Variants in ASCC3 observed in about 807,000 individuals in gnomAD.
ASCC3 encodes activating signal cointegrator 1 complex subunit 3, also known as ASC-1 complex subunit P200.
In ASCC3, 158 loss-of-function variants were observed where a neutral mutation model predicts 256.3. The observed-to-expected ratio is 0.62, with a 90% confidence interval of 0.54 to 0.70. ASCC3 has a LOEUF of 0.70. Ranked by LOEUF, ASCC3 falls within the 30% of genes least tolerant of loss-of-function variation. The pLI, the probability that ASCC3 is intolerant of heterozygous loss-of-function variation, is 0.00. For missense variants in ASCC3, 2,259 were observed against 2,626.0 expected, an observed-to-expected ratio of 0.86 and a Z score of 3.05; for synonymous variants, 948 against 883.4, an observed-to-expected ratio of 1.07 and a Z score of -1.30.
At chr6:100,730,086 C>T (rs1022600138) in intron 10 of ASCC3, among the ~76,000 whole-genome samples, 4 of 151,986 alleles carry the variant, frequency 2.6e-5, no homozygotes, top group African/African-American at 7.2e-5. Flanking sequence ...GGGAAGATGA[C>T]TTGAGGTCAG....
chr6:100,762,681 T>A (rs549219738), intron 10 of ASCC3, among the ~76,000 whole-genome samples: 21 of 152,256 alleles, frequency 1.4e-4, no homozygotes, highest in Non-Finnish European at 1.5e-4. Context: ...CAAACCTCAA[T>A]AAAATCATAA....
chr6:100,628,737 T>C (rs1046270665), intron 27 of ASCC3, among the ~76,000 whole-genome samples: 2 of 152,088 alleles, frequency 1.3e-5, no homozygotes, highest in Non-Finnish European at 2.9e-5. Flanking sequence ...AAACCTCTTT[T>C]TAAAAATAAA....
At chr6:100,516,147 G>T in intron 39 of ASCC3, 33 bp downstream of exon 39, 1 of 1,613,074 alleles carries the variant, frequency 6.2e-7, no homozygotes, top group Non-Finnish European at 8.5e-7. Context: ...TCAGAGTAGG[G>T]GAGCCTTCAA....
intron 10 of ASCC3, among the ~76,000 whole-genome samples, chr6:100,752,059 C>T (rs1007046512): frequency 6.6e-6 from 1 of 152,048 alleles, no homozygotes; most frequent in Non-Finnish European, 1.5e-5. Flanking sequence ...AATGTTTCTG[C>T]CTCTTACCCT....
At chr6:100,674,292 T>G (rs1385348001) in intron 14 of ASCC3, among the ~76,000 whole-genome samples, 1 of 151,986 alleles carries the variant, frequency 6.6e-6, no homozygotes, top group Non-Finnish European at 1.5e-5. Context: ...AAATTTTTTT[T>G]CATCCAAAGT....
chr6:100,525,231 G>A (rs538233567), intron 37 of ASCC3, among the ~76,000 whole-genome samples: 5 of 149,782 alleles, frequency 3.3e-5, no homozygotes, highest in African/African-American at 1.2e-4. Flanking sequence ...TCATGACAAA[G>A]GTTGAAGTGA....
intron 34 of ASCC3, among the ~76,000 whole-genome samples, chr6:100,592,140 C>CA (rs1201793563): frequency 0.046 from 5,294 of 115,818 alleles, 205 homozygotes; most frequent in African/African-American, 0.12. Context: ...AGTAAGTCAC[C>CA]AAAAAAAAAA....
chr6:100,613,172 G>C (rs1177736629), intron 30 of ASCC3, among the ~76,000 whole-genome samples: 1 of 151,418 alleles, frequency 6.6e-6, no homozygotes, highest in Non-Finnish European at 1.5e-5. Context: ...TAGTGGGCAA[G>C]TCAGGGCTTT....
intron 1 of ASCC3, among the ~76,000 whole-genome samples, chr6:100,874,711 T>C (rs1337887781): frequency 6.6e-6 from 1 of 151,664 alleles, no homozygotes; most frequent in Non-Finnish European, 1.5e-5. Flanking sequence ...GAGCTTACAG[T>C]ATGGTTGGGA....
intron 30 of ASCC3, among the ~76,000 whole-genome samples, chr6:100,613,312 T>C (rs986543736): frequency 2.0e-5 from 3 of 152,066 alleles, no homozygotes; most frequent in African/African-American, 7.2e-5. Flanking sequence ...TTTGTATAAA[T>C]TAAATTTTTT....
chr6:100,528,100 CT>C (rs1774677841), intron 37 of ASCC3, among the ~76,000 whole-genome samples: 1 of 152,054 alleles, frequency 6.6e-6, no homozygotes, highest in South Asian at 2.1e-4. Flanking sequence ...CAGCTCCCCC[CT>C]GTTGGGATCA....
At chr6:100,737,770 G>A (rs1780251337) in intron 10 of ASCC3, among the ~76,000 whole-genome samples, 1 of 152,144 alleles carries the variant, frequency 6.6e-6, no homozygotes, top group African/African-American at 2.4e-5. Context: ...GGCTCAAATG[G>A]TATTACTGCT....
rs185147894 is a variant in ASCC3 at position 100,646,240 on chromosome 6, G to A, written c.3633+375C>T. 4.6e-5 allele frequency among the ~76,000 whole-genome samples: 7 copies of A among 152,104 alleles called. No individual in the cohort carries two copies. In the East Asian group the frequency reaches 7.7e-4, roughly 17 times the overall value. On this transcript the variant is annotated intron_variant, in intron 22 of 41. Transcript: ENST00000369162. ...TAAATGTTTTGAAGGAATCTCACTC[G>A]TTGACATATTACTAATATACCATGG...
In ASCC3 at chr6:100,570,091, T is replaced by C. The variant is rs1201102206; in HGVS notation, c.5550+19543A>G. Reference sequence around the variant, plus strand: ...TATTTGGCTCTCAGATTGAACATTATTGGTGTAGAGAAATGTTACTGATTT... The same window carrying C: ...TATTTGGCTCTCAGATTGAACATTACTGGTGTAGAGAAATGTTACTGATTT... On this transcript the variant is annotated intron_variant, in intron 36 of 41. Transcript: ENST00000369162. Among the ~76,000 whole-genome samples, 4 of 152,324 alleles carry C rather than the reference T, an allele frequency of 2.6e-5. No homozygotes were observed. In the East Asian group the frequency reaches 5.8e-4, roughly 22 times the overall value.
intron 16 of ASCC3, among the ~76,000 whole-genome samples, chr6:100,656,682 T>A (rs902401240): frequency 6.6e-6 from 1 of 151,406 alleles, no homozygotes; most frequent in Non-Finnish European, 1.5e-5. Context: ...AGAGAAAAAA[T>A]TATTAGAAGA....
chr6:100,597,809 G>GAAAAAAAA lies in ASCC3; in HGVS notation c.5303+3993_5303+4000dup, dbSNP rs369974362. Among the ~76,000 whole-genome samples, 39 of 88,598 alleles carry GAAAAAAAA rather than the reference G, an allele frequency of 4.4e-4. 3 individuals carry two copies. Among genetic ancestry groups the GAAAAAAAA allele is most frequent in the African/African-American group, 1.1e-3 (24 of 21,660 alleles). The allele number at this position is 88,598 out of a possible 152,430, so 58.1% of individuals were successfully genotyped here. ...TACACAGTGAAACCCCGTCTCTACT[G>GAAAAAAAA]AAAAAAAAAAAAAAATTAGCCGAGC... On this transcript the variant is annotated intron_variant, in intron 34 of 41. Transcript: ENST00000369162.
chr6:100,615,965 AT>A (rs1428907806), intron 30 of ASCC3, among the ~76,000 whole-genome samples: 1 of 152,200 alleles, frequency 6.6e-6, no homozygotes, highest in African/African-American at 2.4e-5. Flanking sequence ...AACTAAATTT[AT>A]TTTAGTTCTA....
intron 36 of ASCC3, among the ~76,000 whole-genome samples, chr6:100,581,906 T>C (rs1187425518): frequency 6.6e-6 from 1 of 151,760 alleles, no homozygotes; most frequent in Admixed American, 6.6e-5. Context: ...ATATGCGGTG[T>C]TATTTCTGAG....
intron 3 of ASCC3, among the ~76,000 whole-genome samples, chr6:100,855,110 C>T (rs1582968083): frequency 1.4e-5 from 2 of 147,880 alleles, no homozygotes; most frequent in South Asian, 2.1e-4. Flanking sequence ...TGTCAAGAAC[C>T]TTTTTTTTTT....
Sources: allele counts gnomAD v4.1 joint callset (sites outside exome capture counted in the v4.1 genomes callset), GRCh38; gene constraint gnomAD v4.1.1; transcripts MANE v1.5; gene names NCBI Gene and HGNC (gene_info 2026-07-23, HGNC 2026-07-21).